SCLT1: variants seen among roughly 807,000 people sequenced by gnomAD.
The protein encoded by SCLT1 is sodium channel and clathrin linker 1.
In SCLT1, 78 loss-of-function variants were observed where a neutral mutation model predicts 112.8. That is an observed-to-expected ratio of 0.69 (90% CI 0.58 to 0.83). The LOEUF is 0.83. SCLT1 is among the 40% of genes least tolerant of loss of function. The probability of loss-of-function intolerance (pLI) is 0.00; values close to 1 mark genes in which losing one functional copy is unlikely to be tolerated. For synonymous variants in SCLT1, 257 were observed against 254.7 expected, an observed-to-expected ratio of 1.01 and a Z score of -0.09; for missense variants, 747 against 770.4, an observed-to-expected ratio of 0.97 and a Z score of 0.36.
At chr4:129,091,938 T>C (rs1579991598) in intron 1 of SCLT1, among the ~76,000 whole-genome samples, 1 of 152,202 alleles carries the variant, frequency 6.6e-6, no homozygotes, top group Non-Finnish European at 1.5e-5. Flanking sequence ...ACTACCTTTT[T>C]CCTAACTTCC....
chr4:129,077,216 C>T (rs1469220646), intron 2 of SCLT1, among the ~76,000 whole-genome samples: 3 of 152,120 alleles, frequency 2.0e-5, no homozygotes, highest in Non-Finnish European at 2.9e-5. Context: ...TTCACCATTA[C>T]ACCTAACAAA....
chr4:128,892,782 T>G (rs13135764), intron 18 of SCLT1, among the ~76,000 whole-genome samples: 28,765 of 152,164 alleles, frequency 0.19, 2,926 homozygotes, highest in Middle Eastern at 0.29. Flanking sequence ...AACTTAGTGA[T>G]TTCATAAACA....
At chr4:128,905,866 G>C (rs868057204) in intron 18 of SCLT1, among the ~76,000 whole-genome samples, 2 of 150,604 alleles carry the variant, frequency 1.3e-5, no homozygotes, top group African/African-American at 4.9e-5. Context: ...TTCCAGTAAT[G>C]TATCACATGA....
At chr4:129,079,796 T>C (rs1265008595) in intron 2 of SCLT1, among the ~76,000 whole-genome samples, 1 of 152,250 alleles carries the variant, frequency 6.6e-6, no homozygotes, top group Non-Finnish European at 1.5e-5. Context: ...GCAGAGGTTC[T>C]CCATGAGGGC....
At chr4:128,974,947 T>G (rs1022177105) in intron 9 of SCLT1, among the ~76,000 whole-genome samples, 15 of 152,028 alleles carry the variant, frequency 9.9e-5, no homozygotes, top group Admixed American at 2.0e-4. Context: ...TACTTTATTT[T>G]CAGGTATGCT....
Position 129,003,895 on chromosome 4 carries a change from A to C in SCLT1, c.291-19T>G. On this transcript the variant is annotated intron_variant, in intron 5 of 20. Coordinates refer to ENST00000281142, the MANE Select transcript of SCLT1 (RefSeq NM_144643.4). ...GTGCAACCTTTGAAACAAATAGTTA[A>C]CATGATAGCCTCAAGTCATTTTCGT... The C allele has an allele frequency of 6.2e-7, 1 of 1,606,894 alleles. No homozygotes were observed. The highest frequency in any genetic ancestry group is 8.5e-7 in the Non-Finnish European group (1 of 1,177,166).
At chr4:128,984,907 A>G (rs1387012620) in intron 9 of SCLT1, among the ~76,000 whole-genome samples, 3 of 151,348 alleles carry the variant, frequency 2.0e-5, no homozygotes, top group Non-Finnish European at 4.4e-5. Flanking sequence ...CCTCAGATAT[A>G]CACATTTACT....
At chr4:129,044,156 CTATT>C (rs751130378) in intron 2 of SCLT1, 105 bp from the exon 3 acceptor site, 38 of 574,826 alleles carry the variant, frequency 6.6e-5, no homozygotes, top group South Asian at 2.9e-4. Flanking sequence ...CTTAGAAACT[CTATT>C]TATGTAATTC....
intron 18 of SCLT1, among the ~76,000 whole-genome samples, chr4:128,895,688 T>C (rs1733687619): frequency 6.6e-6 from 1 of 152,054 alleles, no homozygotes; most frequent in African/African-American, 2.4e-5. Flanking sequence ...AGAAAGCGGG[T>C]GCAGGACAGT....
chr4:129,078,760 C>A lies in SCLT1; in HGVS notation c.102+3546G>T, dbSNP rs74571649. On this transcript the variant is annotated intron_variant, in intron 2 of 20. Transcript: ENST00000281142. ...AAAAACAAGCTCTTCACTTTTAATA[C>A]CTTGAAAATAATTTTAGTTCTGCAT... Among the ~76,000 whole-genome samples, 827 of 152,170 alleles carry A rather than the reference C, an allele frequency of 5.4e-3. 6 individuals are homozygous for A. Among genetic ancestry groups the A allele is most frequent in the African/African-American group, 0.019 (787 of 41,516 alleles).
intron 2 of SCLT1, among the ~76,000 whole-genome samples, chr4:129,077,068 T>C (rs1751529203): frequency 6.6e-6 from 1 of 152,096 alleles, no homozygotes; most frequent in Non-Finnish European, 1.5e-5. Flanking sequence ...ACGTAAAGTA[T>C]AGTTAGCTAC....
chr4:129,041,037 AT>A (rs1747655964), intron 4 of SCLT1, among the ~76,000 whole-genome samples: 1 of 152,240 alleles, frequency 6.6e-6, no homozygotes, highest in African/African-American at 2.4e-5. Flanking sequence ...ATTGTAAAAA[AT>A]TTAAATGAAT....
At chr4:129,027,811 T>C (rs991954253) in intron 5 of SCLT1, among the ~76,000 whole-genome samples, 66 of 152,242 alleles carry the variant, frequency 4.3e-4, no homozygotes, top group African/African-American at 1.4e-3. Flanking sequence ...CTTAAGCTGA[T>C]AAGCAACTCA....
rs78496173 is a variant in SCLT1, at chr4:129,083,410, T to G, written c.35-1037A>C. ...CAAAGGACTGAAACCAAAGACAGTA[T>G]GTTATCTTACAATAGCACTATTAAG... On this transcript the variant is annotated intron_variant, in intron 1 of 20. Coordinates refer to ENST00000281142, the MANE Select transcript of SCLT1 (RefSeq NM_144643.4). 7.9e-3 allele frequency among the ~76,000 whole-genome samples: 1,177 copies of G among 148,870 alleles called. 14 individuals carry two copies. Among genetic ancestry groups the G allele is most frequent in the African/African-American group, 0.028 (1,127 of 40,530 alleles).
At chr4:128,983,738 A>C (rs1251694058) in intron 9 of SCLT1, among the ~76,000 whole-genome samples, 1 of 152,212 alleles carries the variant, frequency 6.6e-6, no homozygotes, top group Admixed American at 6.5e-5. Context: ...TTAAAGCTTT[A>C]ATTATAAGTT....
At chr4:128,895,477 T>C (rs1453218524) in intron 18 of SCLT1, among the ~76,000 whole-genome samples, 1 of 152,196 alleles carries the variant, frequency 6.6e-6, no homozygotes, top group Non-Finnish European at 1.5e-5. Flanking sequence ...GGATCAGGTT[T>C]ATATTATTTT....
Position 129,035,077 on chromosome 4 carries a change from G to A in SCLT1, c.290+3964C>T, listed in dbSNP as rs143549506. Among the ~76,000 whole-genome samples the A allele has an allele frequency of 4.6e-3, 694 of 152,258 alleles. 4 individuals are homozygous for A. Among genetic ancestry groups the A allele is most frequent in the African/African-American group, 0.015 (610 of 41,556 alleles). ...CATTTAGTAATCACTCAACGGTTGT[G>A]AATGACTATTTTCTTACTTCACCTA... On this transcript the variant is annotated intron_variant, in intron 5 of 20. Transcript: ENST00000281142.
intron 5 of SCLT1, among the ~76,000 whole-genome samples, chr4:129,015,345 C>T (rs1452699860): frequency 6.6e-6 from 1 of 152,058 alleles, no homozygotes; most frequent in African/African-American, 2.4e-5. Context: ...CAGGCACGGT[C>T]CACTAGCACA....
intron 18 of SCLT1, among the ~76,000 whole-genome samples, chr4:128,929,418 A>T (rs770725071): frequency 2.0e-5 from 3 of 152,204 alleles, no homozygotes; most frequent in Non-Finnish European, 2.9e-5. Flanking sequence ...CAGAATTCAA[A>T]CTAAAATTCC....
Sources: allele counts gnomAD v4.1 joint callset (sites outside exome capture counted in the v4.1 genomes callset), GRCh38; gene constraint gnomAD v4.1.1; transcripts MANE v1.5; gene names NCBI Gene and HGNC (gene_info 2026-07-23, HGNC 2026-07-21).